Variants in SHANK2 observed in about 807,000 individuals in gnomAD.
SHANK2 encodes the protein SH3 and multiple ankyrin repeat domains protein 2.
A neutral mutation model predicts 133.7 loss-of-function variants in SHANK2; 43 were observed. The observed-to-expected ratio is 0.32, with a 90% CI of 0.25 to 0.41. The LOEUF (loss-of-function observed/expected upper bound fraction) is 0.41, where lower values mean the gene tolerates loss of function less well. Ranked by LOEUF, SHANK2 falls within the 10% of genes least tolerant of loss-of-function variation. The pLI is 1.00. For synonymous variants in SHANK2, 1,017 were observed against 952.8 expected (o/e 1.07, Z -1.24); for missense variants, 1,994 against 2,235.8 (o/e 0.89, Z 2.18).
At chr11:70,940,193 T>G (rs1353412110) in intron 10 of SHANK2, among the ~76,000 whole-genome samples, 908 of 14,978 alleles carry the variant, frequency 0.061, 7 homozygotes, top group African/African-American at 0.13. Flanking sequence ...CTTACTTCCT[T>G]CCTTCCTGCC....
At chr11:70,579,778 GGCCCTGATGTTCAGCGTCATCACAAGC>G (rs1157763873) in intron 17 of SHANK2, among the ~76,000 whole-genome samples, 1 of 152,242 alleles carries the variant, frequency 6.6e-6, no homozygotes, top group Non-Finnish European at 1.5e-5. Context: ...ACCTGGAGAT[GGCCCTGATGTTCAGCGTCATCACAAGC>G]GTCCTGATAA....
At chr11:71,238,073 G>A (rs1216655068) in intron 1 of SHANK2, among the ~76,000 whole-genome samples, 2 of 152,188 alleles carry the variant, frequency 1.3e-5, no homozygotes, top group Admixed American at 6.5e-5. Context: ...CCCCAATGTT[G>A]CCGATGTCCC....
rs1590894345 is a variant in SHANK2, at chr11:71,085,664, A to ATATATATAATATATAACATAT, written c.912+6757_912+6758insATATGTTATATATTATATATA. On this transcript the variant is annotated intron_variant, in intron 8 of 25. Transcript: ENST00000601538. The stretch of plus-strand genomic sequence containing the variant: ...AATATATTATGTTATATATTATATT[A>ATATATATAATATATAACATAT]TATATGTTATATATATAATATAATA... Among the ~76,000 whole-genome samples the ATATATATAATATATAACATAT allele has an allele frequency of 5.3e-4, 8 of 14,998 alleles. No individual in the cohort carries two copies. The East Asian group carries it at 0.011, about 21-fold the overall frequency. The allele number at this position is 14,998 out of a possible 152,430, so 9.8% of individuals were successfully genotyped here.
intron 11 of SHANK2, among the ~76,000 whole-genome samples, chr11:70,835,943 C>T (rs1435542656): frequency 2.0e-5 from 3 of 152,104 alleles, no homozygotes; most frequent in South Asian, 2.1e-4. Flanking sequence ...GTGGGCACCC[C>T]GAGCCCACTG....
intron 17 of SHANK2, among the ~76,000 whole-genome samples, chr11:70,552,431 C>T (rs782102336): frequency 1.3e-5 from 2 of 152,194 alleles, no homozygotes; most frequent in Non-Finnish European, 2.9e-5. Flanking sequence ...CATGTCACAG[C>T]GAGTCATTTA....
chr11:70,724,781 C>T (rs1946146281), intron 14 of SHANK2, among the ~76,000 whole-genome samples: 1 of 152,208 alleles, frequency 6.6e-6, no homozygotes, highest in South Asian at 2.1e-4. Context: ...GCTAACTCTG[C>T]GTTCCGGAAA....
In SHANK2 at chr11:71,233,046, T is replaced by G. The variant is rs370765430; in HGVS notation, c.-112-8250A>C. Among the ~76,000 whole-genome samples the G allele has an allele frequency of 3.3e-5, 5 of 152,120 alleles. No homozygotes were observed. The East Asian group carries it at 7.7e-4, about 24-fold the overall frequency. On this transcript the variant is annotated intron_variant, in intron 1 of 25. Coordinates refer to ENST00000601538, the MANE Select transcript of SHANK2 (RefSeq NM_012309.5). ...AAACATGTAGGCCAGCCACAGTGAC[T>G]CACACCTGTAATCCCAGCACTTTGG...
chr11:70,678,132 G>A (rs1944940896), intron 15 of SHANK2, among the ~76,000 whole-genome samples: 1 of 152,070 alleles, frequency 6.6e-6, no homozygotes, highest in Non-Finnish European at 1.5e-5. Flanking sequence ...TTTCCTTCTT[G>A]TTCTTTTGTT....
At chr11:71,080,083 G>T (rs1951277540) in intron 8 of SHANK2, among the ~76,000 whole-genome samples, 2 of 152,112 alleles carry the variant, frequency 1.3e-5, no homozygotes, top group African/African-American at 4.8e-5. Flanking sequence ...TTTTGAAAAG[G>T]GTGTCTGGTC....
intron 9 of SHANK2, among the ~76,000 whole-genome samples, chr11:71,074,630 A>C (rs1951194910): frequency 6.6e-6 from 1 of 152,184 alleles, no homozygotes; most frequent in South Asian, 2.1e-4. Flanking sequence ...GCTATTTTGC[A>C]AGCTAGCAAA....
intron 2 of SHANK2, among the ~76,000 whole-genome samples, chr11:71,206,816 C>T (rs1954135742): frequency 6.6e-6 from 1 of 152,140 alleles, no homozygotes; most frequent in East Asian, 1.9e-4. Context: ...TGGCACATAC[C>T]TGTAGTCCCA....
At chr11:71,166,605 C>G (rs1467908329) in intron 2 of SHANK2, among the ~76,000 whole-genome samples, 5 of 151,712 alleles carry the variant, frequency 3.3e-5, no homozygotes, top group Admixed American at 6.6e-5. Flanking sequence ...CCTCAGCCTC[C>G]CGAGTAGCTG....
intron 8 of SHANK2, among the ~76,000 whole-genome samples, chr11:71,086,169 TA>T (rs1951408207): frequency 8.9e-5 from 1 of 11,284 alleles, no homozygotes; most frequent in African/African-American, 2.0e-4. Context: ...TTAAATTATA[TA>T]ATATATTATG....
At chr11:70,864,755 G>C (rs1949326129) in intron 11 of SHANK2, 1 of 152,294 alleles carries the variant, frequency 6.6e-6, no homozygotes, top group Admixed American at 6.5e-5. Context: ...CCTGGATATG[G>C]TGGTGTGAAC....
At chr11:70,822,285 T>C (rs1948540348) in intron 11 of SHANK2, among the ~76,000 whole-genome samples, 2 of 152,246 alleles carry the variant, frequency 1.3e-5, no homozygotes, top group African/African-American at 2.4e-5. Flanking sequence ...TCTGACAAAC[T>C]GCAAGGCAAG....
At chr11:70,925,287 T>G (rs1267781230) in intron 10 of SHANK2, among the ~76,000 whole-genome samples, 1 of 152,160 alleles carries the variant, frequency 6.6e-6, no homozygotes, top group Non-Finnish European at 1.5e-5. Context: ...GTTGACTCTG[T>G]GCTAAGAAAA....
chr11:70,944,793 C>A (rs571430768), intron 10 of SHANK2, among the ~76,000 whole-genome samples: 8 of 152,176 alleles, frequency 5.3e-5, no homozygotes, highest in Non-Finnish European at 1.2e-4. Flanking sequence ...GATGCTGAAC[C>A]TACAAGATGA....
chr11:70,850,033 T>A (rs1555064998), intron 11 of SHANK2, among the ~76,000 whole-genome samples: 1 of 152,116 alleles, frequency 6.6e-6, no homozygotes, highest in African/African-American at 2.4e-5. Context: ...GCCCTCATCA[T>A]CCTACCCTCT....
At chr11:71,082,881 G>T (rs1250141173) in intron 8 of SHANK2, among the ~76,000 whole-genome samples, 1 of 152,170 alleles carries the variant, frequency 6.6e-6, no homozygotes, top group African/African-American at 2.4e-5. Flanking sequence ...AAAATCAAAC[G>T]AGGGGCTGGG....
Sources: allele counts gnomAD v4.1 joint callset (sites outside exome capture counted in the v4.1 genomes callset), GRCh38; gene constraint gnomAD v4.1.1; transcripts MANE v1.5; gene names NCBI Gene and HGNC (gene_info 2026-07-23, HGNC 2026-07-21).